The following PCDH11X variants were observed in gnomAD, a reference collection of about 807,000 sequenced individuals.
PCDH11X encodes the protein protocadherin-11 X-linked.
A neutral mutation model predicts 53.3 loss-of-function variants in PCDH11X; 18 were observed. That is an observed-to-expected ratio of 0.34 (90% confidence interval 0.23 to 0.50). The LOEUF (loss-of-function observed/expected upper bound fraction) is 0.50, where lower values mean the gene tolerates loss of function less well. Ranked by LOEUF, PCDH11X falls within the 20% of genes least tolerant of loss-of-function variation. PCDH11X has a pLI of 0.98. For synonymous variants in PCDH11X, 279 were observed against 393.3 expected, an observed-to-expected ratio of 0.71 and a Z score of 3.44; for missense variants, 570 against 1,032.4, an observed-to-expected ratio of 0.55 and a Z score of 6.14.
chrX:92,167,306 A>C (rs1252352235), intron 6 of PCDH11X, among the ~76,000 whole-genome samples: 1 of 112,021 alleles, frequency 8.9e-6, no homozygotes, highest in Admixed American at 9.5e-5. Context: ...CTAGTGCAAA[A>C]AAAATAGGCA....
At chrX:92,162,190 GA>G (rs1173148931) in intron 6 of PCDH11X, among the ~76,000 whole-genome samples, 7 of 100,090 alleles carry the variant, frequency 7.0e-5, no homozygotes, top group African/African-American at 1.9e-4. Flanking sequence ...TTGCTGTTTA[GA>G]TTTTTTTTTT....
chrX:91,796,102 A>C (rs754330915), intron 1 of PCDH11X, among the ~76,000 whole-genome samples: 68 of 111,982 alleles, frequency 6.1e-4, no homozygotes, highest in African/African-American at 2.2e-3. Context: ...AGTTTGGTTA[A>C]GTGCAAGGAA....
At chrX:92,490,137 G>A (rs986618578) in intron 10 of PCDH11X, among the ~76,000 whole-genome samples, 3 of 106,463 alleles carry the variant, frequency 2.8e-5, no homozygotes, top group African/African-American at 1.0e-4. Flanking sequence ...TGAAAGAATA[G>A]TCAATACATT....
intron 1 of PCDH11X, among the ~76,000 whole-genome samples, chrX:91,783,899 TGAACATAATG>T (rs976130651): frequency 3.6e-5 from 4 of 112,197 alleles, no homozygotes; most frequent in African/African-American, 9.7e-5. Context: ...ATGGTGTAAT[TGAACATAATG>T]GAGAGAGGAA....
At chrX:91,873,862 A>G (rs762723425) in intron 5 of PCDH11X, among the ~76,000 whole-genome samples, 1 of 111,301 alleles carries the variant, frequency 9.0e-6, no homozygotes, top group South Asian at 3.7e-4. Flanking sequence ...ATAACTTACA[A>G]TTTCCCCATA....
At position 92,148,173 on chromosome X, in the gene PCDH11X, C is replaced by CTTCTTTCTTTCT. The variant is rs1260262520; in HGVS notation, c.3034-53177_3034-53166dup. Reference sequence around the variant, plus strand: ...CCTTCCTTCCTTCCTTCCTTCCTTCCTTCTTTCTTTCTTTCTTTCTTTCTT... The same window carrying CTTCTTTCTTTCT: ...CCTTCCTTCCTTCCTTCCTTCCTTCCTTCTTTCTTTCTTTCTTTCTTTCTTTCTTTCTTTCTT... On this transcript the variant is annotated intron_variant, in intron 6 of 10. Transcript: ENST00000682573. 1.6e-3 allele frequency among the ~76,000 whole-genome samples: 13 copies of CTTCTTTCTTTCT among 8,383 alleles called. 1 individual carries two copies. The highest frequency in any genetic ancestry group is 2.0e-3 in the Non-Finnish European group (9 of 4,545). 7.3% of individuals were successfully genotyped at this position (8,383 alleles called of 115,157 possible). A position where few individuals can be genotyped will look rare whatever the true frequency, so the allele number is the denominator to read the frequency against.
At chrX:91,833,017 A>G (rs1289478893) in intron 4 of PCDH11X, among the ~76,000 whole-genome samples, 2 of 97,758 alleles carry the variant, frequency 2.0e-5, no homozygotes, top group Non-Finnish European at 2.1e-5. Context: ...CCAACCTCCA[A>G]TAGGCCCCAG....
At chrX:92,270,134 G>A (rs1375848923) in intron 8 of PCDH11X, among the ~76,000 whole-genome samples, 4 of 65,706 alleles carry the variant, frequency 6.1e-5, no homozygotes, top group African/African-American at 2.5e-4. Context: ...TTTTCTTTTT[G>A]AGACTCGCTC....
At chrX:92,337,786 A>G (rs1603277651) in intron 8 of PCDH11X, among the ~76,000 whole-genome samples, 1 of 111,340 alleles carries the variant, frequency 9.0e-6, no homozygotes, top group African/African-American at 3.3e-5. Flanking sequence ...TTAAATATGA[A>G]TATGTGTATA....
At chrX:91,835,395 C>T (rs1357518049) in intron 4 of PCDH11X, 66 bp from the exon 5 acceptor site, 1 of 1,202,844 alleles carries the variant, frequency 8.3e-7, no homozygotes, top group Admixed American at 2.2e-5. Context: ...TGTTAACATG[C>T]ATGTTTAGGG....
At chrX:92,438,627 T>C (rs1179781530) in intron 9 of PCDH11X, among the ~76,000 whole-genome samples, 2 of 111,170 alleles carry the variant, frequency 1.8e-5, no homozygotes, top group East Asian at 5.7e-4. Context: ...GCCCTTCTTA[T>C]ACCCAGAGGA....
intron 6 of PCDH11X, among the ~76,000 whole-genome samples, chrX:92,037,248 C>G (rs1395307593): frequency 9.2e-6 from 1 of 108,894 alleles, no homozygotes; most frequent in Non-Finnish European, 1.9e-5. Flanking sequence ...TGTGATGTTA[C>G]CCTCCCTGTG....
chrX:91,860,797 A>G (rs1023977676), intron 5 of PCDH11X, among the ~76,000 whole-genome samples: 4 of 112,157 alleles, frequency 3.6e-5, no homozygotes, highest in Admixed American at 2.8e-4. Flanking sequence ...CCAGCCGTGC[A>G]TCTTGAGGAT....
chrX:92,076,570 A>G (rs1417746543), intron 6 of PCDH11X, among the ~76,000 whole-genome samples: 1 of 111,602 alleles, frequency 9.0e-6, no homozygotes, highest in Non-Finnish European at 1.9e-5. Flanking sequence ...TAAAGGCATG[A>G]TTACACCAAA....
At chrX:92,256,099 G>A (rs899082893) in intron 7 of PCDH11X, among the ~76,000 whole-genome samples, 1 of 112,213 alleles carries the variant, frequency 8.9e-6, no homozygotes, top group Non-Finnish European at 1.9e-5. Flanking sequence ...CCGTGGGGTA[G>A]GACCCTCCGA....
intron 10 of PCDH11X, among the ~76,000 whole-genome samples, chrX:92,577,406 T>C (rs991176659): frequency 1.8e-5 from 2 of 110,512 alleles, no homozygotes; most frequent in Non-Finnish European, 3.8e-5. Flanking sequence ...CCTTATCATT[T>C]CTGAATATGT....
At chrX:92,175,613 C>T (rs190032568) in intron 6 of PCDH11X, among the ~76,000 whole-genome samples, 1 of 108,915 alleles carries the variant, frequency 9.2e-6, no homozygotes, top group Admixed American at 9.9e-5. Context: ...ATCTATATAT[C>T]TATCTATGTA....
chrX:92,305,299 G>T (rs944272251), intron 8 of PCDH11X, among the ~76,000 whole-genome samples: 1 of 109,238 alleles, frequency 9.2e-6, no homozygotes, highest in African/African-American at 3.3e-5. Context: ...TAAATGATAG[G>T]AATTTATTTT....
chrX:91,970,315 A>T (rs1393275266), intron 6 of PCDH11X, among the ~76,000 whole-genome samples: 1 of 111,239 alleles, frequency 9.0e-6, no homozygotes, highest in Non-Finnish European at 1.9e-5. Context: ...ATTTGGCCCC[A>T]CCCACATCCT....
Sources: allele counts gnomAD v4.1 joint callset (sites outside exome capture counted in the v4.1 genomes callset), GRCh38; gene constraint gnomAD v4.1.1; transcripts MANE v1.5; gene names NCBI Gene and HGNC (gene_info 2026-07-23, HGNC 2026-07-21).